The following ATAD2 variants were observed in gnomAD, a reference collection of about 807,000 sequenced individuals.
The protein encoded by ATAD2 is ATPase family AAA domain-containing protein 2.
A neutral mutation model predicts 168.9 loss-of-function variants in ATAD2; 62 were observed. That is an observed-to-expected ratio of 0.37 (90% confidence interval 0.30 to 0.45). ATAD2 has a LOEUF of 0.45. Among genes scored for constraint, ATAD2 ranks in the 20% least tolerant of loss-of-function variants. The pLI, the probability that ATAD2 is intolerant of heterozygous loss-of-function variation, is 1.00. For missense variants in ATAD2, 1,419 were observed against 1,667.8 expected, an observed-to-expected ratio of 0.85 and a Z score of 2.60; for synonymous variants, 613 against 571.6, an observed-to-expected ratio of 1.07 and a Z score of -1.03.
intron 24 of ATAD2, among the ~76,000 whole-genome samples, chr8:123,328,903 C>G (rs779432059): frequency 6.8e-6 from 1 of 147,816 alleles, no homozygotes; most frequent in Non-Finnish European, 1.5e-5. Context: ...CGGGTTCATG[C>G]CATTCTCTTG....
At chr8:123,385,866 T>C (rs1008462148) in intron 1 of ATAD2, among the ~76,000 whole-genome samples, 5 of 151,292 alleles carry the variant, frequency 3.3e-5, no homozygotes, top group Admixed American at 6.6e-5. Context: ...GCAAACCAAT[T>C]AAAAAATAAG....
At chr8:123,408,320 T>G (rs1318218226) in intron 1 of ATAD2, among the ~76,000 whole-genome samples, 2 of 152,180 alleles carry the variant, frequency 1.3e-5, no homozygotes, top group Non-Finnish European at 2.9e-5. Flanking sequence ...GAAATACACT[T>G]CATTTCCCTG....
At chr8:123,371,098 T>G in intron 5 of ATAD2, 108 bp from the exon 6 acceptor site, 5 of 1,120,504 alleles carry the variant, frequency 4.5e-6, no homozygotes, top group Non-Finnish European at 6.2e-6. Flanking sequence ...AGCCATAAAC[T>G]CTTACATTTC....
At chr8:123,333,172 A>G (rs181203809) in intron 24 of ATAD2, among the ~76,000 whole-genome samples, 2 of 133,394 alleles carry the variant, frequency 1.5e-5, no homozygotes, top group Non-Finnish European at 3.1e-5. Flanking sequence ...GTGGATCATG[A>G]GGTCAGGAGA....
At chr8:123,369,001 G>T in intron 8 of ATAD2, 57 bp downstream of exon 8, 1 of 1,024,524 alleles carries the variant, frequency 9.8e-7, no homozygotes, top group Non-Finnish European at 1.4e-6. Flanking sequence ...CTAGAGTCCA[G>T]CCCTAACATA....
chr8:123,325,659 G>A (rs1318507291), intron 26 of ATAD2, among the ~76,000 whole-genome samples: 2 of 152,080 alleles, frequency 1.3e-5, no homozygotes, highest in Non-Finnish European at 2.9e-5. Flanking sequence ...GACCTCAGGT[G>A]ATCCGCCCAC....
chr8:123,401,710 C>T, intron 1 of ATAD2: 1 of 748,882 alleles, frequency 1.3e-6, no homozygotes, highest in Non-Finnish European at 2.4e-6. Flanking sequence ...CCCTTGGTGC[C>T]TCCATAGTGA....
chr8:123,359,785 T>A, intron 9 of ATAD2, 100 bp from the exon 10 acceptor site: 1 of 806,446 alleles, frequency 1.2e-6, no homozygotes, highest in Non-Finnish European at 1.9e-6. Context: ...AAAAAAAATC[T>A]AAATTTCAAC....
chr8:123,353,686 AG>A (rs1296105388), intron 13 of ATAD2, among the ~76,000 whole-genome samples: 3 of 152,134 alleles, frequency 2.0e-5, no homozygotes, highest in Non-Finnish European at 4.4e-5. Flanking sequence ...GACCACACTC[AG>A]GGATGGACAT....
In ATAD2 at chr8:123,337,522, A is replaced by G. The variant is rs78181046; in HGVS notation, c.3051+103T>C. 3.5e-3 allele frequency: 3,833 copies of G among 1,083,980 alleles called. 103 individuals are homozygous for G. The African/African-American group carries it at 0.055, about 15-fold the overall frequency. 67.1% of individuals were successfully genotyped at this position (1,083,980 alleles called of 1,614,324 possible). A position where few individuals can be genotyped will look rare whatever the true frequency, so the allele number is the denominator to read the frequency against. On this transcript the variant is annotated intron_variant, in intron 21 of 27. Coordinates refer to ENST00000287394, the MANE Select transcript of ATAD2 (RefSeq NM_014109.4). ...CGGTACATGTTTCCAAATAGATAAA[A>G]CTAGTTAAGAGTGTAGGCAGAACCA...
At chr8:123,346,997 A>G in intron 16 of ATAD2, 95 bp downstream of exon 16, 1 of 1,331,538 alleles carries the variant, frequency 7.5e-7, no homozygotes, top group Non-Finnish European at 1.0e-6. Context: ...TCTTTTCAAG[A>G]GATTCTTTTA....
rs1396516678 is a variant in ATAD2 at position 123,346,145 on chromosome 8, A to C, written c.2473T>G (p.Leu825Val). 1 of 1,609,732 alleles carries C rather than the reference A, an allele frequency of 6.2e-7. No individual in the cohort carries two copies. Among genetic ancestry groups the C allele is most frequent in the Non-Finnish European group, 8.5e-7 (1 of 1,178,428 alleles). Reference sequence around the variant, plus strand: ...ACTCCAAAAAGAACAGGAATGTCTAATGTATATACAGTAAACTTTTCCAAA... The same window carrying C: ...ACTCCAAAAAGAACAGGAATGTCTACTGTATATACAGTAAACTTTTCCAAA... ...HALEKFTVYT[L>V]DIPVLFGVST... The change falls in exon 18 of 28, where the codon TTA (leucine) becomes GTA (valine). Residue 825 changes from leucine to valine, a missense_variant. Leu to Val is a conservative substitution (Grantham distance 32). Transcript: ENST00000287394.
intron 13 of ATAD2, among the ~76,000 whole-genome samples, chr8:123,350,620 C>T (rs1416284821): frequency 6.6e-6 from 1 of 152,164 alleles, no homozygotes; most frequent in East Asian, 1.9e-4. Flanking sequence ...GTAGAATTTC[C>T]TTCCCACGTT....
chr8:123,377,731 T>G (rs1309937027), intron 2 of ATAD2, among the ~76,000 whole-genome samples: 1 of 152,208 alleles, frequency 6.6e-6, no homozygotes, highest in East Asian at 1.9e-4. Flanking sequence ...CCACTTCTCT[T>G]TATTGGAAAT....
chr8:123,334,887 T>C (rs1414696232), intron 22 of ATAD2, among the ~76,000 whole-genome samples: 1 of 152,118 alleles, frequency 6.6e-6, no homozygotes, highest in African/African-American at 2.4e-5. Context: ...GGACAAGAGA[T>C]TGCAAAATTC....
chr8:123,343,539 G>A (rs1342480362), intron 19 of ATAD2, among the ~76,000 whole-genome samples: 2 of 152,046 alleles, frequency 1.3e-5, no homozygotes, highest in Admixed American at 6.6e-5. Context: ...TATTTCTTTA[G>A]TAAGTATTTG....
intron 2 of ATAD2, among the ~76,000 whole-genome samples, chr8:123,373,697 G>A (rs185515563): frequency 1.9e-4 from 29 of 151,318 alleles, no homozygotes; most frequent in Non-Finnish European, 3.8e-4. Flanking sequence ...GCTGAGGCAG[G>A]AGAATGGCGT....
At chr8:123,348,007 A>T in intron 15 of ATAD2, 176 bp downstream of exon 15, 1 of 666,364 alleles carries the variant, frequency 1.5e-6, no homozygotes, top group South Asian at 1.7e-5. Context: ...CAAATAAGAG[A>T]TAAGAAACAA....
chr8:123,366,857 T>C (rs1181476946), intron 8 of ATAD2, among the ~76,000 whole-genome samples: 1 of 150,010 alleles, frequency 6.7e-6, no homozygotes, highest in African/African-American at 2.5e-5. Flanking sequence ...TGTAACCAAA[T>C]ACCACCTGCT....
Sources: gnomAD v4.1 joint callset for allele counts (sites outside exome capture counted in the v4.1 genomes callset) on GRCh38, gnomAD v4.1.1 for gene constraint, MANE v1.5 for transcripts, NCBI Gene and HGNC (gene_info 2026-07-23, HGNC 2026-07-21) for gene names.